PLEKHM3: variants seen among roughly 807,000 people sequenced by gnomAD.
The protein encoded by PLEKHM3 is pleckstrin homology domain containing M3, also known as pleckstrin homology domain-containing family M member 3.
PLEKHM3 carries 45 observed loss-of-function variants against 81.8 expected under a neutral mutation model. The ratio of observed to expected loss-of-function variants is 0.55; its 90% CI spans 0.43 to 0.71. The LOEUF (loss-of-function observed/expected upper bound fraction) is 0.71, where lower values mean the gene tolerates loss of function less well. PLEKHM3 is among the 30% of genes least tolerant of loss of function. The pLI is 0.00. For missense variants in PLEKHM3, 788 were observed against 924.3 expected (o/e 0.85, Z 1.91); for synonymous variants, 352 against 356.4 (o/e 0.99, Z 0.14).
intron 4 of PLEKHM3, among the ~76,000 whole-genome samples, chr2:207,939,142 A>C (rs1445860927): frequency 6.6e-6 from 1 of 152,182 alleles, no homozygotes; most frequent in African/African-American, 2.4e-5. Flanking sequence ...CCCCGCTCCA[A>C]GCAGATTAAT....
At chr2:207,966,667 C>T (rs2106008733) in intron 3 of PLEKHM3, among the ~76,000 whole-genome samples, 1 of 152,274 alleles carries the variant, frequency 6.6e-6, no homozygotes, top group South Asian at 2.1e-4. Flanking sequence ...GTTCTCCTAC[C>T]TCAGCCTCCC....
chr2:207,968,853 G>A (rs1200771963), intron 3 of PLEKHM3, among the ~76,000 whole-genome samples: 3 of 152,088 alleles, frequency 2.0e-5, no homozygotes, highest in Non-Finnish European at 4.4e-5. Flanking sequence ...AACATAAGAA[G>A]GCAACAATAC....
intron 6 of PLEKHM3, chr2:207,868,973 C>T (rs1378701606): frequency 6.6e-6 from 1 of 152,198 alleles, no homozygotes; most frequent in East Asian, 1.9e-4. Flanking sequence ...CTTGTACAAG[C>T]ATACGTAATT....
chr2:207,832,569 A>C (rs1002486929), intron 7 of PLEKHM3, among the ~76,000 whole-genome samples: 5 of 151,932 alleles, frequency 3.3e-5, no homozygotes, highest in African/African-American at 1.2e-4. Context: ...AGGCAGGTGG[A>C]TCACCTGAGG....
intron 7 of PLEKHM3, among the ~76,000 whole-genome samples, chr2:207,836,305 C>CAG (rs919132086): frequency 2.2e-4 from 15 of 68,242 alleles, no homozygotes; most frequent in Non-Finnish European, 3.4e-4. Context: ...GCCTGGGCGA[C>CAG]AGAGAGAGAG....
rs1414058108 is a variant in PLEKHM3, at chr2:207,865,794, AAAAAAAAAGATATAT to A, written c.1951-4547_1951-4533del. Among the ~76,000 whole-genome samples the A allele has an allele frequency of 1.1e-4, 5 of 43,826 alleles. 1 individual carries two copies. Among genetic ancestry groups the A allele is most frequent in the African/African-American group, 6.2e-4 (5 of 8,100 alleles). 28.8% of individuals were successfully genotyped at this position (43,826 alleles called of 152,430 possible). On this transcript the variant is annotated intron_variant, in intron 6 of 7. Coordinates refer to ENST00000427836, the MANE Select transcript of PLEKHM3 (RefSeq NM_001080475.3). ...AAAACTCCGACTCAAAAAAAAAAAAAAAAAAAAAGATATATATATATATATATATATATATATATA... is the reference window on the plus strand; with the variant it reads ...AAAACTCCGACTCAAAAAAAAAAAAAATATATATATATATATATATATATA...
At chr2:207,962,274 C>A (rs1476777240) in intron 3 of PLEKHM3, among the ~76,000 whole-genome samples, 3 of 152,134 alleles carry the variant, frequency 2.0e-5, no homozygotes, top group Non-Finnish European at 2.9e-5. Flanking sequence ...ATCCATCATA[C>A]CTACATAATG....
At chr2:207,913,062 A>G (rs1365319950) in intron 5 of PLEKHM3, among the ~76,000 whole-genome samples, 1 of 152,186 alleles carries the variant, frequency 6.6e-6, no homozygotes, top group Non-Finnish European at 1.5e-5. Flanking sequence ...TGAATGGGAA[A>G]AGTAAAGATT....
intron 4 of PLEKHM3, among the ~76,000 whole-genome samples, chr2:207,944,029 A>G (rs1465786361): frequency 6.6e-6 from 1 of 152,234 alleles, no homozygotes; most frequent in Non-Finnish European, 1.5e-5. Flanking sequence ...AGATAAAAGT[A>G]GGAATTATCA....
intron 6 of PLEKHM3, among the ~76,000 whole-genome samples, chr2:207,865,801 A>AAAAAAAAAT: frequency 9.5e-4 from 24 of 25,284 alleles, no homozygotes; most frequent in Admixed American, 1.3e-3. Flanking sequence ...AAAAAAAAAA[A>AAAAAAAAAT]AGATATATAT....
At position 208,000,992 on chromosome 2, in the gene PLEKHM3, A is replaced by C. The variant is rs1214897567; in HGVS notation, c.610+38T>G. The C allele has an allele frequency of 3.5e-6, 5 of 1,445,418 alleles. No individual in the cohort carries two copies. In the African/African-American group the frequency reaches 7.2e-5, roughly 21 times the overall value. The allele number at this position is 1,445,418 out of a possible 1,614,324, so 89.5% of individuals were successfully genotyped here. ...TCTGAGTCACAGCCCCAAAAAGAAA[A>C]AAAAAAAAAAGGAAATAAATAAAAT... is the stretch of plus-strand genomic sequence containing the variant. On this transcript the variant is annotated intron_variant, in intron 2 of 7. Coordinates refer to ENST00000427836, the MANE Select transcript of PLEKHM3 (RefSeq NM_001080475.3).
intron 6 of PLEKHM3, among the ~76,000 whole-genome samples, chr2:207,886,319 T>C (rs772032297): frequency 5.3e-5 from 8 of 152,040 alleles, no homozygotes; most frequent in South Asian, 2.1e-4. Context: ...AAATAACCTA[T>C]AGATTAAAAG....
rs1171771894 is a variant in PLEKHM3 at position 207,825,467 on chromosome 2, G to C, written c.*2852C>G. 1 of 152,244 alleles carries C rather than the reference G, an allele frequency of 6.6e-6. No individual in the cohort carries two copies. Among genetic ancestry groups the C allele is most frequent in the Non-Finnish European group, 1.5e-5 (1 of 68,044 alleles). The allele number at this position is 152,244 out of a possible 1,614,324, so 9.4% of individuals were successfully genotyped here. The stretch of plus-strand genomic sequence containing the variant: ...GGAAAAGCAGGTATTAGTTTGGTCT[G>C]AAAGAGGTGGTAATCCACAGATTTG... On this transcript the variant is annotated 3_prime_UTR_variant, in exon 8 of 8. Coordinates refer to ENST00000427836, the MANE Select transcript of PLEKHM3 (RefSeq NM_001080475.3).
rs112646141 is a variant in PLEKHM3 at position 207,966,871 on chromosome 2, A to G, written c.1546+9780T>C. Among the ~76,000 whole-genome samples, 5 of 152,278 alleles carry G rather than the reference A, an allele frequency of 3.3e-5. 1 individual carries two copies. The highest frequency in any genetic ancestry group is 4.8e-5 in the African/African-American group (2 of 41,570). ...CACCCAGCCTAGGATGTGTATTCTT[A>G]AAGAACAGCATACATAACTGAAGTT... On this transcript the variant is annotated intron_variant, in intron 3 of 7. Transcript: ENST00000427836.
chr2:207,918,307 G>C (rs1276361923), intron 5 of PLEKHM3, among the ~76,000 whole-genome samples: 3 of 152,210 alleles, frequency 2.0e-5, no homozygotes, highest in Non-Finnish European at 4.4e-5. Context: ...TGGATCACGA[G>C]GTCAGGAGAT....
At position 207,982,234 on chromosome 2, in the gene PLEKHM3, T is replaced by TC. The variant is rs1171807560; in HGVS notation, c.611-4649dup. 1.5e-4 allele frequency among the ~76,000 whole-genome samples: 7 copies of TC among 47,412 alleles called. No homozygotes were observed. The South Asian group carries it at 4.2e-3, about 28-fold the overall frequency. 31.1% of individuals were successfully genotyped at this position (47,412 alleles called of 152,430 possible). Reference sequence around the variant, plus strand: ...GTTCCTCCCTCCCTCCCTCCCTCACTCCCCCCCTCGCTCCCCCCCTCCCTC... The same window carrying TC: ...GTTCCTCCCTCCCTCCCTCCCTCACTCCCCCCCCTCGCTCCCCCCCTCCCTC... On this transcript the variant is annotated intron_variant, in intron 2 of 7. Coordinates refer to ENST00000427836, the MANE Select transcript of PLEKHM3 (RefSeq NM_001080475.3).
At chr2:207,839,424 G>A (rs1224661104) in intron 7 of PLEKHM3, among the ~76,000 whole-genome samples, 1 of 152,168 alleles carries the variant, frequency 6.6e-6, no homozygotes, top group African/African-American at 2.4e-5. Context: ...GGTTATTGAT[G>A]TAAATTTAGG....
At chr2:208,016,131 T>C (rs1208332378) in intron 1 of PLEKHM3, among the ~76,000 whole-genome samples, 1 of 151,976 alleles carries the variant, frequency 6.6e-6, no homozygotes, top group Non-Finnish European at 1.5e-5. Context: ...GAGGCAGAGG[T>C]TGCAGTGAGC....
At chr2:208,003,614 T>C (rs939115511) in intron 1 of PLEKHM3, among the ~76,000 whole-genome samples, 1 of 152,250 alleles carries the variant, frequency 6.6e-6, no homozygotes, top group Admixed American at 6.5e-5. Context: ...ATATTTATTA[T>C]GTTAGTACTT....
Sources: allele counts gnomAD v4.1 joint callset (sites outside exome capture counted in the v4.1 genomes callset), GRCh38; gene constraint gnomAD v4.1.1; transcripts MANE v1.5; gene names NCBI Gene and HGNC (gene_info 2026-07-23, HGNC 2026-07-21).